Variants in RNF212 observed in about 807,000 individuals in gnomAD.
The protein encoded by RNF212 is probable E3 SUMO-protein ligase RNF212.
RNF212 carries 33 observed loss-of-function variants against 34.7 expected under a neutral mutation model. That is an observed-to-expected ratio of 0.95 (90% CI 0.72 to 1.27). The LOEUF (loss-of-function observed/expected upper bound fraction) is 1.27. RNF212 is among the 50% of genes most tolerant of loss of function. RNF212 has a pLI of 0.00. For missense variants in RNF212, 377 were observed against 362.2 expected, an observed-to-expected ratio of 1.04 and a Z score of -0.33; for synonymous variants, 140 against 136.1, an observed-to-expected ratio of 1.03 and a Z score of -0.20.
At chr4:1,083,365 G>A (rs573475137) in intron 5 of RNF212, among the ~76,000 whole-genome samples, 1 of 152,250 alleles carries the variant, frequency 6.6e-6, no homozygotes, top group East Asian at 1.9e-4. Flanking sequence ...AATGGGGGCC[G>A]GGTGTGGTGG....
At chr4:1,078,036 T>C (rs1439241357) in intron 8 of RNF212, among the ~76,000 whole-genome samples, 3 of 152,140 alleles carry the variant, frequency 2.0e-5, no homozygotes, top group Non-Finnish European at 4.4e-5. Context: ...CAGTTCTGCC[T>C]TCTTATTCTG....
At chr4:1,105,392 C>A (rs187646399) in intron 2 of RNF212, among the ~76,000 whole-genome samples, 1 of 152,232 alleles carries the variant, frequency 6.6e-6, no homozygotes, top group Non-Finnish European at 1.5e-5. Flanking sequence ...CCAACCAATA[C>A]GGTGGTGCCC....
intron 2 of RNF212, chr4:1,101,695 C>T (rs1245929581): frequency 5.0e-6 from 1 of 198,156 alleles, no homozygotes; most frequent in African/African-American, 2.4e-5. Context: ...CATCCCTCCT[C>T]CAGCTCCTGC....
chr4:1,102,205 A>G (rs1724091473), intron 2 of RNF212, among the ~76,000 whole-genome samples: 1 of 152,218 alleles, frequency 6.6e-6, no homozygotes, highest in African/African-American at 2.4e-5. Context: ...ACAAAATAGG[A>G]AACAAATATA....
At chr4:1,097,826 A>G (rs952736617) in intron 2 of RNF212, among the ~76,000 whole-genome samples, 3 of 152,240 alleles carry the variant, frequency 2.0e-5, no homozygotes, top group African/African-American at 7.2e-5. Context: ...GCACTTTGGG[A>G]GGCCAAGGTG....
At chr4:1,111,094 T>C (rs1012641857) in intron 1 of RNF212, among the ~76,000 whole-genome samples, 1 of 152,220 alleles carries the variant, frequency 6.6e-6, no homozygotes, top group Admixed American at 6.5e-5. Context: ...GGGAACATTA[T>C]CTTGGGTCAC....
chr4:1,111,989 G>A (rs1440151756), intron 1 of RNF212, among the ~76,000 whole-genome samples: 4 of 152,186 alleles, frequency 2.6e-5, no homozygotes, highest in African/African-American at 7.2e-5. Flanking sequence ...GCCGGTGATT[G>A]TTAGAGGACA....
At chr4:1,061,657 C>T (rs181469061) in intron 3 of RNF212, among the ~76,000 whole-genome samples, 7 of 152,260 alleles carry the variant, frequency 4.6e-5, no homozygotes, top group Middle Eastern at 6.8e-3. Context: ...AGCGGCCAAC[C>T]GCTGAGCTGT....
downstream of RNF212, among the ~76,000 whole-genome samples, chr4:1,071,172 ATAAAT>A (rs1475525523): frequency 6.6e-6 from 1 of 151,982 alleles, no homozygotes; most frequent in Non-Finnish European, 1.5e-5. Context: ...TATTTTCAAA[ATAAAT>A]TATTTTTAAA....
At chr4:1,110,023 G>C (rs1223301021) in intron 1 of RNF212, among the ~76,000 whole-genome samples, 1 of 152,138 alleles carries the variant, frequency 6.6e-6, no homozygotes, top group Non-Finnish European at 1.5e-5. Flanking sequence ...AAATTCTGCA[G>C]CAAGAAAATT....
chr4:1,081,529 T>A, intron 6 of RNF212, 38 bp downstream of exon 6: 2 of 1,604,404 alleles, frequency 1.2e-6, no homozygotes, highest in South Asian at 1.1e-5. Flanking sequence ...GCAACATGCA[T>A]CTCTATTTTG....
intron 1 of RNF212, among the ~76,000 whole-genome samples, chr4:1,109,808 C>G (rs1725376131): frequency 1.3e-5 from 2 of 152,180 alleles, no homozygotes. Flanking sequence ...TCTTCCAGCC[C>G]AAGCCCAGGC....
At chr4:1,109,488 TG>T (rs1394291720) in intron 1 of RNF212, among the ~76,000 whole-genome samples, 1 of 152,196 alleles carries the variant, frequency 6.6e-6, no homozygotes, top group Non-Finnish European at 1.5e-5. Context: ...CCGGTGGCTT[TG>T]TCCCCTCCTC....
chr4:1,087,257 A>T (rs189379725), intron 4 of RNF212, among the ~76,000 whole-genome samples: 10 of 376 alleles, frequency 0.027, no homozygotes, highest in South Asian at 0.2. Flanking sequence ...AGGACGGGGT[A>T]GGGGAGAGAG....
intron 3 of RNF212, among the ~76,000 whole-genome samples, chr4:1,091,347 C>G (rs1722157193): frequency 6.6e-6 from 1 of 152,182 alleles, no homozygotes; most frequent in Non-Finnish European, 1.5e-5. Flanking sequence ...GCTGTCTAGA[C>G]AGCTTGAACT....
chr4:1,093,453 GA>G, intron 3 of RNF212: 2 of 1,438,468 alleles, frequency 1.4e-6, no homozygotes, highest in Non-Finnish European at 1.8e-6. Flanking sequence ...ACAGCTGCGG[GA>G]AAACTCCACC....
chr4:1,071,089 AAAAT>A (rs1416280787), downstream of RNF212, among the ~76,000 whole-genome samples: 1 of 149,914 alleles, frequency 6.7e-6, no homozygotes, highest in Non-Finnish European at 1.5e-5. Flanking sequence ...AAGTATTTTC[AAAAT>A]AAATTATTTT....
chr4:1,090,168 G>T (rs1721962723), intron 4 of RNF212, among the ~76,000 whole-genome samples: 1 of 151,332 alleles, frequency 6.6e-6, no homozygotes, highest in Admixed American at 6.6e-5. Flanking sequence ...TGGGGTGAGG[G>T]GAGAGATGGG....
chr4:1,078,183 A>G (rs1719648357), intron 8 of RNF212, among the ~76,000 whole-genome samples: 1 of 152,208 alleles, frequency 6.6e-6, no homozygotes, highest in Admixed American at 6.5e-5. Context: ...AACCCGAAGC[A>G]ACACATAAAT....
Sources: allele counts gnomAD v4.1 joint callset (sites outside exome capture counted in the v4.1 genomes callset), GRCh38; gene constraint gnomAD v4.1.1; transcripts MANE v1.5; gene names NCBI Gene and HGNC (gene_info 2026-07-23, HGNC 2026-07-21).